The following INTS7 variants were observed in gnomAD, a reference collection of about 807,000 sequenced individuals.
INTS7 encodes the protein chromosome 1 open reading frame 73.
In INTS7, 46 loss-of-function variants were observed where a neutral mutation model predicts 109.2. That is an observed-to-expected ratio of 0.42 (90% CI 0.33 to 0.54). The LOEUF (loss-of-function observed/expected upper bound fraction) is 0.54, where lower values mean the gene tolerates loss of function less well. Ranked by LOEUF, INTS7 falls within the 20% of genes least tolerant of loss-of-function variation. INTS7 has a pLI of 0.07. For missense variants in INTS7, 929 were observed against 1,132.4 expected, an observed-to-expected ratio of 0.82 and a Z score of 2.58; for synonymous variants, 412 against 402.9, an observed-to-expected ratio of 1.02 and a Z score of -0.27.
At chr1:211,943,446 A>T (rs1446426329) in intron 19 of INTS7, among the ~76,000 whole-genome samples, 1 of 152,184 alleles carries the variant, frequency 6.6e-6, no homozygotes, top group Non-Finnish European at 1.5e-5. Context: ...AGACAGGGAT[A>T]AATTATGTAA....
chr1:211,999,167 G>A (rs770740151), intron 7 of INTS7, among the ~76,000 whole-genome samples: 8 of 152,142 alleles, frequency 5.3e-5, no homozygotes, highest in African/African-American at 1.2e-4. Context: ...ACACAAAACC[G>A]TGTATGATTG....
At chr1:211,945,286 G>A (rs1279550257) in intron 18 of INTS7, among the ~76,000 whole-genome samples, 5 of 151,974 alleles carry the variant, frequency 3.3e-5, no homozygotes. Context: ...GTAGGGAAAG[G>A]CATTATATAA....
At chr1:211,997,984 A>G (rs1181829482) in intron 7 of INTS7, among the ~76,000 whole-genome samples, 3 of 152,136 alleles carry the variant, frequency 2.0e-5, no homozygotes, top group Non-Finnish European at 2.9e-5. Flanking sequence ...TTTCATAGAA[A>G]TTTACAAACT....
intron 17 of INTS7, among the ~76,000 whole-genome samples, chr1:211,951,836 C>CAG (rs1215716998): frequency 1.3e-5 from 2 of 152,096 alleles, no homozygotes; most frequent in Admixed American, 1.3e-4. Context: ...AAAACCTGAG[C>CAG]AGAGATACTG....
chr1:211,975,061 T>C (rs1266887224), intron 13 of INTS7, 105 bp downstream of exon 13: 2 of 732,394 alleles, frequency 2.7e-6, no homozygotes, highest in Non-Finnish European at 4.8e-6. Flanking sequence ...ACCTATTTCA[T>C]ATCAGCAGGT....
chr1:212,000,444 T>C (rs1665614299), intron 7 of INTS7, among the ~76,000 whole-genome samples: 2 of 152,038 alleles, frequency 1.3e-5, no homozygotes, highest in Admixed American at 6.6e-5. Flanking sequence ...CACTCCAGAG[T>C]ATAGAAAGAG....
chr1:212,020,090 C>G, intron 3 of INTS7, 32 bp downstream of exon 3: 1 of 1,384,946 alleles, frequency 7.2e-7, no homozygotes, highest in South Asian at 1.6e-5. Flanking sequence ...TTCAAATAAT[C>G]TCATAGTGAA....
At chr1:211,993,757 A>T (rs976524781) in intron 7 of INTS7, among the ~76,000 whole-genome samples, 4 of 151,760 alleles carry the variant, frequency 2.6e-5, no homozygotes, top group Non-Finnish European at 5.9e-5. Context: ...TAAGATGGTT[A>T]TTTATCCCAG....
rs573724430 is a variant in INTS7 at position 211,953,447 on chromosome 1, T to C, written c.2184-746A>G. On this transcript the variant is annotated intron_variant, in intron 16 of 19. Coordinates refer to ENST00000366994, the MANE Select transcript of INTS7 (RefSeq NM_015434.4). Reference sequence around the variant, plus strand: ...TAAGTTTTAGGGTACATGTGCACAATGTGCAGGTTTGTTACATATGTATAC... The same window carrying C: ...TAAGTTTTAGGGTACATGTGCACAACGTGCAGGTTTGTTACATATGTATAC... Among the ~76,000 whole-genome samples the C allele has an allele frequency of 1.2e-3, 186 of 151,998 alleles. 1 individual carries two copies. The highest frequency in any genetic ancestry group is 4.4e-3 in the African/African-American group (184 of 41,448).
At chr1:212,035,260 C>T in intron 1 of INTS7, 84 bp downstream of exon 1, 1 of 906,856 alleles carries the variant, frequency 1.1e-6, no homozygotes, top group Non-Finnish European at 1.8e-6. Context: ...TGCGCCTATC[C>T]GTCTTCTCCC....
intron 16 of INTS7, among the ~76,000 whole-genome samples, chr1:211,961,273 T>C (rs1045262793): frequency 1.3e-5 from 2 of 151,268 alleles, no homozygotes; most frequent in African/African-American, 4.9e-5. Context: ...CCTCGAGACA[T>C]ATAATCATGA....
rs1232894270 is a variant in INTS7, at chr1:211,959,746, T to C, written c.2183+6684A>G. Among the ~76,000 whole-genome samples the C allele has an allele frequency of 6.6e-6, 1 of 152,192 alleles. No homozygotes were observed. The highest frequency in any genetic ancestry group is 1.5e-5 in the Non-Finnish European group (1 of 68,024). On this transcript the variant is annotated intron_variant, in intron 16 of 19. Transcript: ENST00000366994. The surrounding 1 kb of genome is among the most constrained non-coding windows in gnomAD (Gnocchi z 4.2). ...TGGACCTTCCCCTGCCCTAAGTGGC[T>C]ACCTCCACCTACATAAGAGGGCACA...
intron 1 of INTS7, among the ~76,000 whole-genome samples, chr1:212,026,830 T>C (rs1033708678): frequency 6.6e-6 from 1 of 152,202 alleles, no homozygotes; most frequent in Non-Finnish European, 1.5e-5. Context: ...GAAAAAGGCA[T>C]AGTAGGAAAC....
chr1:212,023,915 T>C (rs1372093127), intron 1 of INTS7, among the ~76,000 whole-genome samples: 9 of 152,222 alleles, frequency 5.9e-5, no homozygotes, highest in Non-Finnish European at 1.2e-4. Context: ...GGGTCCAGTT[T>C]CATTCTTCTG....
intron 4 of INTS7, among the ~76,000 whole-genome samples, chr1:212,014,226 A>C (rs1419072171): frequency 6.6e-6 from 1 of 152,122 alleles, no homozygotes; most frequent in Non-Finnish European, 1.5e-5. Context: ...GCACTTTGGG[A>C]GGCCAAGGCA....
chr1:212,007,449 C>T lies in INTS7; in HGVS notation c.557G>A (p.Gly186Asp), dbSNP rs766389456. ...CTTCAAGTCTACTGGTGTCGCTAAA[C>T]CTAGACACAAAAATAATTCTCAAGG... ...ICNKISEMIQGLATPVDLKLK... is the reference protein window; with the variant it reads ...ICNKISEMIQDLATPVDLKLK... Residue 186 changes from glycine to aspartate, a missense_variant and splice_region_variant, in exon 6 of 20, where the codon GGT (glycine) becomes GAT (aspartate). Transcript: ENST00000366994. 3.7e-6 allele frequency: 6 copies of T among 1,606,200 alleles called. No homozygotes were observed. The highest frequency in any genetic ancestry group is 5.1e-6 in the Non-Finnish European group (6 of 1,172,946).
Position 212,020,179 on chromosome 1 carries a change from T to C in INTS7, c.314A>G (p.Lys105Arg). Residue 105 changes from lysine (K) to arginine (R), a missense_variant, in exon 3 of 20, where the codon AAG becomes AGG. Physicochemically the swap from Lys to Arg is conservative, Grantham distance 26 (BLOSUM62 2). Transcript: ENST00000366994. Reference protein sequence around the residue: ...EKILNVDEFVKRIFSVIHSND... With the variant: ...EKILNVDEFVRRIFSVIHSND... The stretch of plus-strand genomic sequence containing the variant: ...ACTATGAATCACAGAAAAAATTCTC[T>C]TCACAAATTCATCCACATTTAGAAT... 6.2e-7 allele frequency: 1 copy of C among 1,610,364 alleles called. No individual in the cohort carries two copies. The highest frequency in any genetic ancestry group is 8.5e-7 in the Non-Finnish European group (1 of 1,177,438).
At chr1:212,031,491 C>T (rs1186060289) in intron 1 of INTS7, among the ~76,000 whole-genome samples, 3 of 152,232 alleles carry the variant, frequency 2.0e-5, no homozygotes, top group Admixed American at 2.0e-4. Flanking sequence ...GAAGCTCAAG[C>T]AGCATGGCCA....
chr1:211,988,474 G>A (rs552180337), intron 7 of INTS7, among the ~76,000 whole-genome samples: 3 of 151,472 alleles, frequency 2.0e-5, no homozygotes, highest in Non-Finnish European at 4.4e-5. Context: ...CTCTTTAGGG[G>A]AGCCTCAGGA....
Sources: allele counts gnomAD v4.1 joint callset (sites outside exome capture counted in the v4.1 genomes callset), GRCh38; gene constraint gnomAD v4.1.1; non-coding constraint Gnocchi (gnomAD v3.1); transcripts MANE v1.5; gene names NCBI Gene and HGNC (gene_info 2026-07-23, HGNC 2026-07-21).